The following GDPD4 variants were observed in gnomAD, a reference collection of about 807,000 sequenced individuals.
The protein encoded by GDPD4 is glycerophosphodiester phosphodiesterase 6.
Under a neutral mutation model 67.8 loss-of-function variants are expected in GDPD4, and 60 were observed. The observed-to-expected ratio is 0.88, with a 90% CI of 0.72 to 1.10. The LOEUF (loss-of-function observed/expected upper bound fraction) is 1.10. Among genes scored for constraint, GDPD4 ranks in the 50% least tolerant of loss-of-function variants. GDPD4 has a pLI of 0.00. For missense variants in GDPD4, 623 were observed against 613.9 expected, an observed-to-expected ratio of 1.01 and a Z score of -0.16; for synonymous variants, 212 against 210.9, an observed-to-expected ratio of 1.00 and a Z score of -0.04.
In GDPD4 at chr11:77,291,955, A is replaced by G. The variant is rs565269217; in HGVS notation, c.-253-4535T>C. ...TGAGGCAGGAGAATTGCTTGAACCCAGGAGGTGGAGGTTGCGGTGAGCCAA... is the reference window on the plus strand; with the variant it reads ...TGAGGCAGGAGAATTGCTTGAACCCGGGAGGTGGAGGTTGCGGTGAGCCAA... On this transcript the variant is annotated intron_variant, in intron 1 of 16. Transcript: ENST00000315938. Among the ~76,000 whole-genome samples the G allele has an allele frequency of 7.2e-5, 11 of 152,292 alleles. No homozygotes were observed. In the East Asian group the frequency reaches 2.1e-3, roughly 29 times the overall value.
chr11:77,261,324 G>A (rs1227160673), intron 10 of GDPD4, among the ~76,000 whole-genome samples: 4 of 151,510 alleles, frequency 2.6e-5, no homozygotes, highest in Admixed American at 6.6e-5. Context: ...TGCAACCTCC[G>A]CCTCCCAGGT....
intron 10 of GDPD4, among the ~76,000 whole-genome samples, chr11:77,263,901 G>A (rs1256815113): frequency 6.6e-6 from 1 of 152,108 alleles, no homozygotes; most frequent in East Asian, 1.9e-4. Flanking sequence ...TAGAGAGGGA[G>A]TAAGAGCAAT....
chr11:77,253,203 G>T (rs1207108566), intron 11 of GDPD4, among the ~76,000 whole-genome samples: 1 of 152,212 alleles, frequency 6.6e-6, no homozygotes, highest in Non-Finnish European at 1.5e-5. Context: ...GCCCTGGACT[G>T]ACTCTAAGGA....
rs1441359221 is a variant in GDPD4, at chr11:77,243,841, C to CA, written c.1093dup (p.Trp365LeufsTer6). The stretch of plus-strand genomic sequence containing the variant: ...GTATTGCCTATCATGAGCTGGCAAC[C>CA]AAAAAATCTCTAAGGAGAAACAAGA... On this transcript the variant is annotated frameshift_variant, in exon 13 of 17. Transcript: ENST00000315938. LOFTEE classifies it high-confidence loss of function. 2 of 1,610,450 alleles carry CA rather than the reference C, an allele frequency of 1.2e-6. No homozygotes were observed. Among genetic ancestry groups the CA allele is most frequent in the African/African-American group, 1.3e-5 (1 of 74,674 alleles).
chr11:77,272,860 G>T (rs1959281915), intron 5 of GDPD4, among the ~76,000 whole-genome samples: 2 of 151,952 alleles, frequency 1.3e-5, no homozygotes, highest in Admixed American at 6.6e-5. Flanking sequence ...TCCCGTATTA[G>T]TATACATTCT....
chr11:77,227,734 CTCCCCCA>C, intron 16 of GDPD4, 123 bp downstream of exon 16: 1 of 588,456 alleles, frequency 1.7e-6, no homozygotes, highest in Non-Finnish European at 3.2e-6. Flanking sequence ...CCCCTGGTCC[CTCCCCCA>C]ACCCCACCCC....
chr11:77,254,002 C>T (rs1048998958), intron 11 of GDPD4, among the ~76,000 whole-genome samples: 1 of 152,054 alleles, frequency 6.6e-6, no homozygotes, highest in Non-Finnish European at 1.5e-5. Context: ...TTAGGCCACT[C>T]TGTTGGGGTG....
At chr11:77,293,703 A>G (rs1937857200) in intron 1 of GDPD4, among the ~76,000 whole-genome samples, 1 of 152,242 alleles carries the variant, frequency 6.6e-6, no homozygotes, top group African/African-American at 2.4e-5. Context: ...ATTCCTGACA[A>G]AAACCCTCAG....
rs572561725 is a variant in GDPD4, at chr11:77,296,564, G to A, written c.-254+5041C>T. On this transcript the variant is annotated intron_variant, in intron 1 of 16. Coordinates refer to ENST00000315938, the MANE Select transcript of GDPD4 (RefSeq NM_182833.3). ...CTTGAACTCCTGACCTCAAGTAACT[G>A]CCCGCCTTGGCCTCCCAAAGTGCTG... is the stretch of plus-strand genomic sequence containing the variant. Among the ~76,000 whole-genome samples the A allele has an allele frequency of 2.6e-5, 4 of 151,282 alleles. No individual in the cohort carries two copies. In the South Asian group the frequency reaches 8.4e-4, roughly 32 times the overall value.
intron 11 of GDPD4, among the ~76,000 whole-genome samples, chr11:77,252,690 G>C (rs1958930837): frequency 6.6e-6 from 1 of 152,222 alleles, no homozygotes; most frequent in East Asian, 1.9e-4. Context: ...CCTGCAGTTG[G>C]GTCTTAGTGC....
intron 14 of GDPD4, among the ~76,000 whole-genome samples, chr11:77,231,614 C>A (rs1161585604): frequency 6.6e-6 from 1 of 152,048 alleles, no homozygotes; most frequent in Non-Finnish European, 1.5e-5. Flanking sequence ...TGGATTTATT[C>A]ATTTAAATAT....
chr11:77,224,992 T>C (rs1016011810), intron 16 of GDPD4, among the ~76,000 whole-genome samples: 27 of 151,286 alleles, frequency 1.8e-4, no homozygotes, highest in Admixed American at 1.2e-3. Context: ...TGGTCCCAGA[T>C]ACTAGGGAGG....
intron 16 of GDPD4, 60 bp from the exon 17 acceptor site, chr11:77,217,374 T>C: frequency 1.5e-6 from 2 of 1,331,038 alleles, no homozygotes; most frequent in Non-Finnish European, 1.1e-6. Flanking sequence ...CTGTCAGTCA[T>C]GTGTGAAATT....
chr11:77,234,284 A>ATTTAAAAAAAAAAT (rs1958509610), intron 13 of GDPD4, among the ~76,000 whole-genome samples: 1 of 152,230 alleles, frequency 6.6e-6, no homozygotes, highest in African/African-American at 2.4e-5. Context: ...TAAAAATAAA[A>ATTTAAAAAAAAAAT]TTAGGAAAAA....
At position 77,268,495 on chromosome 11, in the gene GDPD4, T is replaced by C; in HGVS notation, c.669A>G (p.Glu223=). The C allele has an allele frequency of 6.2e-7, 1 of 1,613,406 alleles. No individual in the cohort carries two copies. The highest frequency in any genetic ancestry group is 1.1e-5 in the South Asian group (1 of 91,064). Residue 223 remains glutamate (E), a synonymous_variant, in exon 10 of 17, where the codon GAA becomes GAG. Transcript: ENST00000315938. ...CAGTCTCCAATCCATGGGCTCCATG[T>C]TCAACAGCTTTCTCAAAGGACATCA... ...NTMMSFEKAV[E]HGAHGLETDI...
rs1958405718 is a variant in GDPD4 at position 77,229,171 on chromosome 11, A to G, written c.1451T>C (p.Val484Ala). Reference protein sequence around the residue: ...LADIISVLFIVAIFCFHWRRE... With the variant: ...LADIISVLFIAAIFCFHWRRE... ...TTACCAGTGAAAACAAAATATGGCA[A>G]CAATAAAAAGCACAGAAATGATATC... is the stretch of plus-strand genomic sequence containing the variant. The change falls in exon 15 of 17, where the codon GTT (valine) becomes GCT (alanine). Residue 484 changes from valine to alanine, a missense_variant. Physicochemically the swap from Val to Ala is moderately conservative, Grantham distance 64 (BLOSUM62 0). Transcript: ENST00000315938. The G allele has an allele frequency of 1.2e-6, 2 of 1,600,654 alleles. No homozygotes were observed. Among genetic ancestry groups the G allele is most frequent in the Middle Eastern group, 1.7e-4 (1 of 5,804 alleles).
At position 77,269,915 on chromosome 11, in the gene GDPD4, A is replaced by G. The variant is rs1325132707; in HGVS notation, c.446T>C (p.Leu149Pro). The change falls in exon 8 of 17, where the codon CTC becomes CCC. Residue 149 changes from leucine to proline, a missense_variant. By Grantham distance (98) the Leu-to-Pro change is moderately conservative (BLOSUM62 -3). Coordinates refer to ENST00000315938, the MANE Select transcript of GDPD4 (RefSeq NM_182833.3). ...YRMTHSEKKR[L>P]KQCNVITRLR... Reference sequence around the variant, plus strand: ...CCTTGTGATTACATTACATTGCTTGAGTCTTTTTTTCTCAGAATGTGTCAT... The same window carrying G: ...CCTTGTGATTACATTACATTGCTTGGGTCTTTTTTTCTCAGAATGTGTCAT... The G allele has an allele frequency of 6.3e-7, 1 of 1,592,440 alleles. No individual in the cohort carries two copies.
intron 13 of GDPD4, among the ~76,000 whole-genome samples, chr11:77,238,802 CA>C (rs963080328): frequency 6.6e-6 from 1 of 151,714 alleles, no homozygotes; most frequent in Admixed American, 6.6e-5. Context: ...CAAACTCTTT[CA>C]AAAAAAATAA....
At position 77,242,866 on chromosome 11, in the gene GDPD4, A is replaced by C. The variant is rs564971029; in HGVS notation, c.1241+828T>G. On this transcript the variant is annotated intron_variant, in intron 13 of 16. Coordinates refer to ENST00000315938, the MANE Select transcript of GDPD4 (RefSeq NM_182833.3). ...CCAGAAAGGCAGAAAAAGCAGGAAC[A>C]GAAACAGATGCATGCAACAGCCTTT... 7.2e-4 allele frequency among the ~76,000 whole-genome samples: 110 copies of C among 152,262 alleles called. 1 individual carries two copies. The highest frequency in any genetic ancestry group is 2.5e-3 in the African/African-American group (105 of 41,570).
Sources: gnomAD v4.1 joint callset for allele counts (sites outside exome capture counted in the v4.1 genomes callset) on GRCh38, gnomAD v4.1.1 for gene constraint, MANE v1.5 for transcripts, NCBI Gene and HGNC (gene_info 2026-07-23, HGNC 2026-07-21) for gene names.